JARID2: variants seen among roughly 807,000 people sequenced by gnomAD.
JARID2 encodes jumonji and AT-rich interaction domain containing 2.
JARID2 carries 21 observed loss-of-function variants against 125.6 expected under a neutral mutation model. That is an observed-to-expected ratio of 0.17 (90% CI 0.12 to 0.24). JARID2 has a LOEUF of 0.24. JARID2 is among the 10% of genes least tolerant of loss of function. JARID2 has a pLI of 1.00. For missense variants in JARID2, 1,303 were observed against 1,639.6 expected, an observed-to-expected ratio of 0.79 and a Z score of 3.55; for synonymous variants, 736 against 661.6, an observed-to-expected ratio of 1.11 and a Z score of -1.73.
rs539444001 is a variant in JARID2, at chr6:15,274,466, T to C, written c.45+27882T>C. Among the ~76,000 whole-genome samples, 6 of 152,330 alleles carry C rather than the reference T, an allele frequency of 3.9e-5. No homozygotes were observed. In the East Asian group the frequency reaches 5.8e-4, roughly 15 times the overall value. ...AGTATTTTGTTCTGAAGAAACATGC[T>C]CTATTTGTAAAAGAGGAAATGTGTG... is the stretch of plus-strand genomic sequence containing the variant. On this transcript the variant is annotated intron_variant, in intron 1 of 17. Coordinates refer to ENST00000341776, the MANE Select transcript of JARID2 (RefSeq NM_004973.4).
chr6:15,442,451 G>A (rs2127620201), intron 3 of JARID2, among the ~76,000 whole-genome samples: 1 of 152,338 alleles, frequency 6.6e-6, no homozygotes, highest in East Asian at 1.9e-4. Flanking sequence ...CTACTTGCAT[G>A]TGTTACTCTG....
At position 15,501,111 on chromosome 6, in the gene JARID2, G is replaced by A. The variant is rs369567122; in HGVS notation, c.2150G>A (p.Arg717Gln). 1.2e-4 allele frequency: 195 copies of A among 1,613,940 alleles called. No homozygotes were observed. Among genetic ancestry groups the A allele is most frequent in the Non-Finnish European group, 1.6e-4 (184 of 1,179,968 alleles). Residue 717 changes from arginine to glutamine, a missense_variant, in exon 8 of 18, where the codon CGG becomes CAG. Around this residue, in one of 11 missense-constraint regions of JARID2, gnomAD observed 124 missense variants for 131.0 expected, o/e 0.95. Coordinates refer to ENST00000341776, the MANE Select transcript of JARID2 (RefSeq NM_004973.4). ...SYDSLSPEEH[R>Q]RLEKEVLMEK... ...GACTCCCTGTCCCCAGAGGAGCACC[G>A]GCGGCTGGAGAAGGAGGTGCTGATG...
chr6:15,377,856 T>C (rs1381004778), intron 2 of JARID2, among the ~76,000 whole-genome samples: 4 of 149,944 alleles, frequency 2.7e-5, no homozygotes, highest in Non-Finnish European at 5.9e-5. Context: ...CCATGCAAGA[T>C]GTATGTTTTT....
At chr6:15,291,090 A>G (rs778578748) in intron 1 of JARID2, among the ~76,000 whole-genome samples, 3 of 152,128 alleles carry the variant, frequency 2.0e-5, no homozygotes, top group Non-Finnish European at 2.9e-5. Context: ...AAAAAAATTA[A>G]TCAGCCGTGG....
In JARID2 at chr6:15,326,436, A is replaced by G. The variant is rs1455991657; in HGVS notation, c.46-47681A>G. 3.9e-5 allele frequency among the ~76,000 whole-genome samples: 6 copies of G among 152,178 alleles called. No individual in the cohort carries two copies. In the East Asian group the frequency reaches 1.2e-3, roughly 29 times the overall value. ...AGGCTGTCCTTGAAGTCCTGGCCCC[A>G]TGCCTTAGCCTTCCAAAGTGCTGAG... is the stretch of plus-strand genomic sequence containing the variant. On this transcript the variant is annotated intron_variant, in intron 1 of 17. Coordinates refer to ENST00000341776, the MANE Select transcript of JARID2 (RefSeq NM_004973.4).
intron 1 of JARID2, among the ~76,000 whole-genome samples, chr6:15,309,677 G>A (rs1398825784): frequency 4.0e-5 from 6 of 151,376 alleles, no homozygotes; most frequent in Non-Finnish European, 5.9e-5. Context: ...ACGTGTGTGT[G>A]TGTGTGTATA....
chr6:15,419,847 T>C (rs1245271372), intron 3 of JARID2, among the ~76,000 whole-genome samples: 1 of 152,230 alleles, frequency 6.6e-6, no homozygotes, highest in Admixed American at 6.5e-5. Context: ...CTTGGCAGTT[T>C]TTATTTCCAG....
At chr6:15,484,464 A>T (rs1347241588) in intron 5 of JARID2, among the ~76,000 whole-genome samples, 1 of 152,166 alleles carries the variant, frequency 6.6e-6, no homozygotes, top group African/African-American at 2.4e-5. Context: ...GCAGGGAGGG[A>T]TATGAGGCAA....
chr6:15,517,614 G>T (rs1317064771), intron 17 of JARID2, among the ~76,000 whole-genome samples: 3 of 152,250 alleles, frequency 2.0e-5, no homozygotes, highest in African/African-American at 4.8e-5. Context: ...ATGGTTGGCA[G>T]TGGCCTCTCC....
chr6:15,321,582 T>C (rs527976653), intron 1 of JARID2, among the ~76,000 whole-genome samples: 1 of 152,242 alleles, frequency 6.6e-6, no homozygotes, highest in African/African-American at 2.4e-5. Context: ...GTTTATCTAC[T>C]TCGTAACTTG....
intron 3 of JARID2, among the ~76,000 whole-genome samples, chr6:15,428,370 T>G (rs2127596336): frequency 6.6e-6 from 1 of 152,134 alleles, no homozygotes; most frequent in East Asian, 1.9e-4. Flanking sequence ...GCTGCACCCA[T>G]TAACTCATCA....
At chr6:15,358,680 A>G (rs1311080982) in intron 1 of JARID2, among the ~76,000 whole-genome samples, 1 of 152,222 alleles carries the variant, frequency 6.6e-6, no homozygotes, top group Non-Finnish European at 1.5e-5. Flanking sequence ...GTCAAGAAAA[A>G]CATGTATCAA....
In JARID2 at chr6:15,247,652, T is replaced by C. The variant is rs557038646; in HGVS notation, c.45+1068T>C. ...TAATATTTTCCCTTTTTGATCATTG[T>C]GGTGTGTGTAATGAGAGATGACCTT... On this transcript the variant is annotated intron_variant, in intron 1 of 17. Transcript: ENST00000341776. 96 of 985,248 alleles carry C rather than the reference T, an allele frequency of 9.7e-5. No homozygotes were observed. In the East Asian group the frequency reaches 9.6e-3, roughly 99 times the overall value. 61.0% of individuals were successfully genotyped at this position (985,248 alleles called of 1,614,324 possible).
intron 1 of JARID2, among the ~76,000 whole-genome samples, chr6:15,292,906 C>T (rs756969341): frequency 5.9e-5 from 9 of 152,282 alleles, no homozygotes; most frequent in East Asian, 3.9e-4. Flanking sequence ...TGGCCTCAGG[C>T]GATCCTCCTG....
chr6:15,318,273 G>T (rs1431800654), intron 1 of JARID2, among the ~76,000 whole-genome samples: 1 of 152,104 alleles, frequency 6.6e-6, no homozygotes, highest in Non-Finnish European at 1.5e-5. Context: ...CAAAGAGAAA[G>T]CTGAACTCCA....
intron 1 of JARID2, among the ~76,000 whole-genome samples, chr6:15,308,447 A>T (rs1045211634): frequency 7.9e-5 from 12 of 152,118 alleles, no homozygotes; most frequent in Admixed American, 2.6e-4. Flanking sequence ...ATGGCTTTTC[A>T]CAGAAGCCTA....
rs74534803 is a variant in JARID2, at chr6:15,361,663, G to C, written c.46-12454G>C. ...GTGGGGTCAGTCCTCATGGCTTTGG[G>C]TAAGTGTGAATTTCTTCATTAAACC... On this transcript the variant is annotated intron_variant, in intron 1 of 17. Coordinates refer to ENST00000341776, the MANE Select transcript of JARID2 (RefSeq NM_004973.4). Among the ~76,000 whole-genome samples, 40 of 152,182 alleles carry C rather than the reference G, an allele frequency of 2.6e-4. 1 individual carries two copies. The East Asian group carries it at 7.0e-3, about 26-fold the overall frequency.
chr6:15,515,912 G>A (rs2127771053), intron 16 of JARID2, among the ~76,000 whole-genome samples: 1 of 151,020 alleles, frequency 6.6e-6, no homozygotes, highest in Middle Eastern at 3.4e-3. Flanking sequence ...TTGAGCGCCT[G>A]TAGTCCCAGC....
At position 15,501,412 on chromosome 6, in the gene JARID2, A is replaced by G; in HGVS notation, c.2448+3A>G. The G allele has an allele frequency of 6.5e-7, 1 of 1,529,350 alleles. No individual in the cohort carries two copies. The highest frequency in any genetic ancestry group is 8.8e-7 in the Non-Finnish European group (1 of 1,141,050). The allele number at this position is 1,529,350 out of a possible 1,614,324, so 94.7% of individuals were successfully genotyped here. A position where few individuals can be genotyped will look rare whatever the true frequency, so the allele number is the denominator to read the frequency against. On this transcript the variant is annotated splice_donor_region_variant and intron_variant, in intron 8 of 17. Transcript: ENST00000341776. ...ACTTCCACAAGTGCATCTATAAGGT[A>G]GGGGCCTCCGCAGAGCAGCCACTCC...
Sources: allele counts gnomAD v4.1 joint callset (sites outside exome capture counted in the v4.1 genomes callset), GRCh38; gene constraint gnomAD v4.1.1; regional missense constraint gnomAD v4.1.1; transcripts MANE v1.5; gene names NCBI Gene and HGNC (gene_info 2026-07-23, HGNC 2026-07-21).